TBC1D16: variants seen among roughly 807,000 people sequenced by gnomAD.
The protein encoded by TBC1D16 is TBC1 domain family member 16, also known as CTD-2529O21.1.
Under a neutral mutation model 74.7 loss-of-function variants are expected in TBC1D16, and 58 were observed. The observed-to-expected ratio is 0.78, with a 90% confidence interval of 0.63 to 0.97. The LOEUF is 0.97. TBC1D16 is among the 50% of genes least tolerant of loss of function. TBC1D16 has a pLI of 0.00. For missense variants in TBC1D16, 1,014 were observed against 1,079.5 expected (o/e 0.94, Z 0.85); for synonymous variants, 493 against 474.7 (o/e 1.04, Z -0.50).
In TBC1D16 at chr17:80,020,658, T is replaced by C. The variant is rs1043444049; in HGVS notation, c.-62-7049A>G. On this transcript the variant is annotated intron_variant, in intron 1 of 11. Coordinates refer to ENST00000310924, the MANE Select transcript of TBC1D16 (RefSeq NM_019020.4). ...TCTTCATAGAATCAGCCGCCATTGCTAGGCATCTGGCTTCCAACTAGTGGC... is the reference window on the plus strand; with the variant it reads ...TCTTCATAGAATCAGCCGCCATTGCCAGGCATCTGGCTTCCAACTAGTGGC... Among the ~76,000 whole-genome samples, 11 of 150,170 alleles carry C rather than the reference T, an allele frequency of 7.3e-5. 4 individuals are homozygous for C. Among genetic ancestry groups the C allele is most frequent in the African/African-American group, 2.8e-4 (11 of 39,570 alleles).
At chr17:79,969,625 A>G (rs888159946) in intron 3 of TBC1D16, among the ~76,000 whole-genome samples, 20 of 152,032 alleles carry the variant, frequency 1.3e-4, no homozygotes, top group Admixed American at 2.6e-4. Flanking sequence ...AAGTAATTCC[A>G]CTCGTAGGTA....
At chr17:79,943,760 A>G (rs2032253123) in intron 10 of TBC1D16, 1 of 1,097,446 alleles carries the variant, frequency 9.1e-7, no homozygotes, top group African/African-American at 1.6e-5. Flanking sequence ...GGGACACAGT[A>G]GGTGTCCATG....
At position 79,979,514 on chromosome 17, in the gene TBC1D16, G is replaced by T. The variant is rs1167711496; in HGVS notation, c.780-26696C>A. 1.3e-5 allele frequency among the ~76,000 whole-genome samples: 2 copies of T among 152,148 alleles called. No individual in the cohort carries two copies. Among genetic ancestry groups the T allele is most frequent in the Non-Finnish European group, 2.9e-5 (2 of 68,026 alleles). ...TGCAAATGCATCTGGGCGTGAAGAC[G>T]TCCCTGTGTCATCTCTGCAGGACCA... is the stretch of plus-strand genomic sequence containing the variant. On this transcript the variant is annotated intron_variant, in intron 3 of 11. Coordinates refer to ENST00000310924, the MANE Select transcript of TBC1D16 (RefSeq NM_019020.4). This position sits in a 1 kb window ranked among gnomAD's most constrained non-coding sequence, Gnocchi z 4.8.
chr17:80,025,115 C>CCATGACACACA (rs2036522985), intron 1 of TBC1D16, among the ~76,000 whole-genome samples: 1 of 81,804 alleles, frequency 1.2e-5, no homozygotes. Flanking sequence ...CACACAAACA[C>CCATGACACACA]CACAGACACA....
At position 79,983,714 on chromosome 17, in the gene TBC1D16, G is replaced by A. The variant is rs1795387430; in HGVS notation, c.779+26446C>T. On this transcript the variant is annotated intron_variant, in intron 3 of 11. Transcript: ENST00000310924. This position sits in a 1 kb window ranked among gnomAD's most constrained non-coding sequence, Gnocchi z 5.6. ...TGGAGACCGGGGCACGGAACGACCA[G>A]ACTGGGGAGGAAGGAGTGGAGCACT... Among the ~76,000 whole-genome samples the A allele has an allele frequency of 2.0e-5, 3 of 152,200 alleles. No homozygotes were observed. In the South Asian group the frequency reaches 6.2e-4, roughly 31 times the overall value.
Position 79,983,855 on chromosome 17 carries a change from CAAAATTTAAAA to C in TBC1D16, c.779+26294_779+26304del, listed in dbSNP as rs2034697554. Among the ~76,000 whole-genome samples, 1 of 152,058 alleles carries C rather than the reference CAAAATTTAAAA, an allele frequency of 6.6e-6. No homozygotes were observed. Among genetic ancestry groups the C allele is most frequent in the African/African-American group, 2.4e-5 (1 of 41,384 alleles). On this transcript the variant is annotated intron_variant, in intron 3 of 11. Coordinates refer to ENST00000310924, the MANE Select transcript of TBC1D16 (RefSeq NM_019020.4). The surrounding 1 kb of genome is among the most constrained non-coding windows in gnomAD (Gnocchi z 5.6). ...ATTCTTTGGCATGTATCAAATATGACAAAATTTAAAAAAAATTTAAATTTATTTAGAGACAG... is the reference window on the plus strand; with the variant it reads ...ATTCTTTGGCATGTATCAAATATGACAAAATTTAAATTTATTTAGAGACAG...
rs34391874 is a variant in TBC1D16, at chr17:79,957,856, T to TA, written c.780-5039dup. Among the ~76,000 whole-genome samples the TA allele has an allele frequency of 2.4e-3, 347 of 143,880 alleles. 2 individuals are homozygous for TA. The highest frequency in any genetic ancestry group is 7.4e-3 in the African/African-American group (290 of 39,278). The allele number at this position is 143,880 out of a possible 152,430, so 94.4% of individuals were successfully genotyped here. A position where few individuals can be genotyped will look rare whatever the true frequency, so the allele number is the denominator to read the frequency against. ...AACAGCTTCAAAAAATAACATCTAT[T>TA]AAAAAAAAAAAACCAACAAAACAAA... On this transcript the variant is annotated intron_variant, in intron 3 of 11. Transcript: ENST00000310924.
chr17:79,947,958 G>T, intron 8 of TBC1D16, 127 bp from the exon 9 acceptor site: 1 of 736,962 alleles, frequency 1.4e-6, no homozygotes, highest in Non-Finnish European at 2.2e-6. Context: ...GAAGGCAGCT[G>T]TGCCACCATC....
intron 1 of TBC1D16, among the ~76,000 whole-genome samples, chr17:80,014,256 C>T (rs1280134942): frequency 6.6e-6 from 1 of 152,012 alleles, no homozygotes. Context: ...ACTCGGGAGG[C>T]TAAGGCAGGT....
chr17:80,020,201 A>C (rs1344404750), intron 1 of TBC1D16, among the ~76,000 whole-genome samples: 1 of 149,826 alleles, frequency 6.7e-6, no homozygotes, highest in Non-Finnish European at 1.5e-5. Context: ...CAGGGCTGTC[A>C]GAGAGATTTC....
chr17:79,978,208 G>A (rs1020299067), intron 3 of TBC1D16, among the ~76,000 whole-genome samples: 5 of 152,220 alleles, frequency 3.3e-5, no homozygotes, highest in African/African-American at 4.8e-5. Flanking sequence ...CAAGCGGGGC[G>A]GGGATGAATC....
In TBC1D16 at chr17:80,010,125, C is replaced by T; in HGVS notation, c.779+35G>A. The T allele has an allele frequency of 6.4e-7, 1 of 1,551,740 alleles. No homozygotes were observed. The highest frequency in any genetic ancestry group is 8.7e-7 in the Non-Finnish European group (1 of 1,143,148). ...CCTGCCCAGGTCAGGCCTTGGGGGC[C>T]TCCCGAGAGCCCACGCCCAGAACCA... On this transcript the variant is annotated intron_variant, in intron 3 of 11. Transcript: ENST00000310924. This position sits in a 1 kb window ranked among gnomAD's most constrained non-coding sequence, Gnocchi z 8.8.
Position 79,950,935 on chromosome 17 carries a change from G to A in TBC1D16, c.1090-357C>T. 1.6e-6 allele frequency: 2 copies of A among 1,269,746 alleles called. No individual in the cohort carries two copies. The highest frequency in any genetic ancestry group is 1.6e-5 in the South Asian group (1 of 64,302). The allele number at this position is 1,269,746 out of a possible 1,614,324, so 78.7% of individuals were successfully genotyped here. ...GTGATTGGCCACATACAAAGGGATC[G>A]CTGTTCTGCGAGCAGGGAGCCAGCC... On this transcript the variant is annotated intron_variant, in intron 5 of 11. Transcript: ENST00000310924. This position sits in a 1 kb window ranked among gnomAD's most constrained non-coding sequence, Gnocchi z 4.6.
At position 79,960,779 on chromosome 17, in the gene TBC1D16, C is replaced by CAAAAAAAAAAAAAAAAAAAAAAAAA. The variant is rs746450905; in HGVS notation, c.780-7986_780-7962dup. ...CAAAAAAACCCAAAAAACAAAAACC[C>CAAAAAAAAAAAAAAAAAAAAAAAAA]AAAAAAAAAAAAAAAAAAAAAAAAA... On this transcript the variant is annotated intron_variant, in intron 3 of 11. Coordinates refer to ENST00000310924, the MANE Select transcript of TBC1D16 (RefSeq NM_019020.4). Among the ~76,000 whole-genome samples the CAAAAAAAAAAAAAAAAAAAAAAAAA allele has an allele frequency of 1.8e-3, 60 of 33,948 alleles. 21 individuals carry two copies. Among genetic ancestry groups the CAAAAAAAAAAAAAAAAAAAAAAAAA allele is most frequent in the South Asian group, 3.1e-3 (2 of 640 alleles). 22.3% of individuals were successfully genotyped at this position (33,948 alleles called of 152,430 possible). A position where few individuals can be genotyped will look rare whatever the true frequency, so the allele number is the denominator to read the frequency against.
At chr17:79,942,306 G>A in intron 10 of TBC1D16, 100 bp from the exon 11 acceptor site, 1 of 1,320,164 alleles carries the variant, frequency 7.6e-7, no homozygotes, top group Non-Finnish European at 1.0e-6. Context: ...GGGCTCCAGG[G>A]CGAGGGGTCT....
chr17:80,004,299 G>A (rs2035596202), intron 3 of TBC1D16, among the ~76,000 whole-genome samples: 1 of 152,134 alleles, frequency 6.6e-6, no homozygotes, highest in South Asian at 2.1e-4. Context: ...AACTGCAACG[G>A]GCAGAATCAT....
Position 79,950,821 on chromosome 17 carries a change from C to CA in TBC1D16, c.1090-244dup, listed in dbSNP as rs1381704252. 37 of 1,535,034 alleles carry CA rather than the reference C, an allele frequency of 2.4e-5. No homozygotes were observed. Among genetic ancestry groups the CA allele is most frequent in the Non-Finnish European group, 7.0e-6 (8 of 1,146,230 alleles). ...CCCGGCCCACTGTGCCGCCGCCCCC[C>CA]ACTCTCTCCAACCCCAGCCGCAAAA... is the stretch of plus-strand genomic sequence containing the variant. On this transcript the variant is annotated intron_variant, in intron 5 of 11. Coordinates refer to ENST00000310924, the MANE Select transcript of TBC1D16 (RefSeq NM_019020.4). This position sits in a 1 kb window ranked among gnomAD's most constrained non-coding sequence, Gnocchi z 4.6.
chr17:79,962,158 TTG>T (rs996325527), intron 3 of TBC1D16, among the ~76,000 whole-genome samples: 1 of 151,804 alleles, frequency 6.6e-6, no homozygotes, highest in Admixed American at 6.6e-5. Context: ...AATTATTTTA[TTG>T]TGTTAAAAAA....
Position 79,935,540 on chromosome 17 carries a change from A to G in TBC1D16, c.*5319T>C, listed in dbSNP as rs2650243. On this transcript the variant is annotated 3_prime_UTR_variant, in exon 12 of 12. Transcript: ENST00000310924. ...GTCTGCAGGCTGCCCTTGGGCTGCC[A>G]CGGGGCCCTGTTTGCCCAGCACAGA... The G allele has an allele frequency of 0.96, 146,288 of 152,422 alleles. 70,234 individuals are homozygous for G. Among genetic ancestry groups the G allele is most frequent in the East Asian group, 1 (5,171 of 5,174 alleles). 9.4% of individuals were successfully genotyped at this position (152,422 alleles called of 1,614,324 possible).
Sources: gnomAD v4.1 joint callset for allele counts (sites outside exome capture counted in the v4.1 genomes callset) on GRCh38, gnomAD v4.1.1 for gene constraint, Gnocchi (gnomAD v3.1) non-coding constraint, MANE v1.5 for transcripts, NCBI Gene and HGNC (gene_info 2026-07-23, HGNC 2026-07-21) for gene names.